The following FN1 variants were observed in gnomAD, a reference collection of about 807,000 sequenced individuals.
FN1 encodes fibronectin.
Under a neutral mutation model 297.3 loss-of-function variants are expected in FN1, and 106 were observed. The observed-to-expected ratio is 0.36, with a 90% CI of 0.30 to 0.42. The LOEUF (loss-of-function observed/expected upper bound fraction) is 0.42. Among genes scored for constraint, FN1 ranks in the 10% least tolerant of loss-of-function variants. The probability of loss-of-function intolerance (pLI) is 1.00; values close to 1 mark genes in which losing one functional copy is unlikely to be tolerated. For synonymous variants in FN1, 1,149 were observed against 1,152.6 expected (o/e 1.00, Z 0.06); for missense variants, 2,690 against 3,124.9 (o/e 0.86, Z 3.32).
At chr2:215,424,875 C>A (rs1441913421) in intron 7 of FN1, among the ~76,000 whole-genome samples, 1 of 152,032 alleles carries the variant, frequency 6.6e-6, no homozygotes, top group East Asian at 1.9e-4. Context: ...CAGATAAATA[C>A]AATAAAATTT....
In FN1 at chr2:215,436,004, T is replaced by TC. The variant is rs1290411711; in HGVS notation, c.-203dup. Reference sequence around the variant, plus strand: ...GGACCAGAGAAGTTGTGGCTGCAGGTCCCCTCTTCCCGCTCGCGCCTGGGG... The same window carrying TC: ...GGACCAGAGAAGTTGTGGCTGCAGGTCCCCCTCTTCCCGCTCGCGCCTGGGG... On this transcript the variant is annotated 5_prime_UTR_variant, in exon 1 of 46. Coordinates refer to ENST00000354785, the MANE Select transcript of FN1 (RefSeq NM_212482.4). 6 of 1,172,998 alleles carry TC rather than the reference T, an allele frequency of 5.1e-6. No homozygotes were observed. The highest frequency in any genetic ancestry group is 4.6e-6 in the Non-Finnish European group (4 of 866,642). 72.7% of individuals were successfully genotyped at this position (1,172,998 alleles called of 1,614,324 possible).
Position 215,435,746 on chromosome 2 carries a change from T to G in FN1, c.57A>C (p.Thr19=). 6.2e-7 allele frequency: 1 copy of G among 1,604,176 alleles called. No individual in the cohort carries two copies. The highest frequency in any genetic ancestry group is 8.5e-7 in the Non-Finnish European group (1 of 1,176,134). ...LLLLAVQCLG[T]AVPSTGASKS... The stretch of plus-strand genomic sequence containing the variant: ...TCGAGGCTCCCGTGGAGGGCACCGC[T>G]GTCCCCAGGCACTGGACGGCCAGCA... The change falls in exon 1 of 46, where the codon ACA becomes ACC. Residue 19 remains threonine, a synonymous_variant. Coordinates refer to ENST00000354785, the MANE Select transcript of FN1 (RefSeq NM_212482.4).
intron 6 of FN1, among the ~76,000 whole-genome samples, chr2:215,427,494 T>C (rs1239705394): frequency 6.6e-6 from 1 of 152,200 alleles, no homozygotes; most frequent in Non-Finnish European, 1.5e-5. Context: ...CTTTTTCTCA[T>C]GCCAAAAATG....
At chr2:215,372,719 G>C (rs2056479052) in intron 39 of FN1, among the ~76,000 whole-genome samples, 1 of 152,136 alleles carries the variant, frequency 6.6e-6, no homozygotes, top group African/African-American at 2.4e-5. Flanking sequence ...TTTTAAATTT[G>C]AGAAGCAAGT....
At chr2:215,375,427 C>T (rs1575306592) in intron 37 of FN1, 34 bp from the exon 38 acceptor site, 2 of 1,595,476 alleles carry the variant, frequency 1.3e-6, no homozygotes. Context: ...TCTAAGAAGG[C>T]AAATAACCAA....
At chr2:215,434,278 G>C (rs950096275) in intron 2 of FN1, among the ~76,000 whole-genome samples, 1 of 152,168 alleles carries the variant, frequency 6.6e-6, no homozygotes, top group Non-Finnish European at 1.5e-5. Context: ...CTTTGAAGTG[G>C]CTAATGGTTT....
chr2:215,370,411 T>C lies in FN1; in HGVS notation c.6736A>G (p.Thr2246Ala). 3 of 1,613,892 alleles carry C rather than the reference T, an allele frequency of 1.9e-6. No homozygotes were observed. Among genetic ancestry groups the C allele is most frequent in the Non-Finnish European group, 2.5e-6 (3 of 1,179,932 alleles). Reference protein sequence around the residue: ...PLQFRVPGTSTSATLTGLTRG... With the variant: ...PLQFRVPGTSASATLTGLTRG... ...GTGAGGCCTGTCAGAGTGGCACTGGTAGAAGTTCCAGGAACCCTGAACTGC... is the reference window on the plus strand; with the variant it reads ...GTGAGGCCTGTCAGAGTGGCACTGGCAGAAGTTCCAGGAACCCTGAACTGC... The change falls in exon 41 of 46, where the codon ACC becomes GCC. Residue 2246 changes from threonine to alanine, a missense_variant. Around this residue, in one of 3 missense-constraint regions of FN1, gnomAD observed 1,743 missense variants for 1,945.2 expected, o/e 0.90. Transcript: ENST00000354785.
chr2:215,375,622 T>C lies in FN1; in HGVS notation c.5977+7A>G, dbSNP rs373840022. On this transcript the variant is annotated splice_region_variant and intron_variant, in intron 37 of 45. Transcript: ENST00000354785. The stretch of plus-strand genomic sequence containing the variant: ...AATGGCATTTCCTCAGTAGAAGGTA[T>C]AGTTACCAGTGGAGGCGTCGATGAC... 1.0e-4 allele frequency: 161 copies of C among 1,587,198 alleles called. No homozygotes were observed. In the Middle Eastern group the frequency reaches 1.3e-3, roughly 13 times the overall value.
rs151078153 is a variant in FN1, at chr2:215,379,064, C to G, written c.5622+66G>C. 3 of 1,319,420 alleles carry G rather than the reference C, an allele frequency of 2.3e-6. No homozygotes were observed. In the African/African-American group the frequency reaches 4.3e-5, roughly 19 times the overall value. The allele number at this position is 1,319,420 out of a possible 1,614,324, so 81.7% of individuals were successfully genotyped here. A position where few individuals can be genotyped will look rare whatever the true frequency, so the allele number is the denominator to read the frequency against. On this transcript the variant is annotated intron_variant, in intron 34 of 45. Coordinates refer to ENST00000354785, the MANE Select transcript of FN1 (RefSeq NM_212482.4). ...GATTTATTATGATATTATATTTTCA[C>G]CACCTTAGAAACTGTGTTAGAGATG...
chr2:215,430,184 C>T (rs1276038264), intron 5 of FN1, among the ~76,000 whole-genome samples: 1 of 152,110 alleles, frequency 6.6e-6, no homozygotes, highest in African/African-American at 2.4e-5. Flanking sequence ...TGTTTTACTT[C>T]AACAAACTCT....
At chr2:215,426,143 CTTTTTTTT>C (rs58002948) in intron 6 of FN1, among the ~76,000 whole-genome samples, 33 of 101,078 alleles carry the variant, frequency 3.3e-4, no homozygotes, top group South Asian at 1.0e-3. Flanking sequence ...TTTCTTTTTT[CTTTTTTTT>C]TTTTTTTTTT....
rs1038277045 is a variant in FN1, at chr2:215,384,176, T to C, written c.4738A>G (p.Ser1580Gly). The change falls in exon 30 of 46, where the codon AGC (serine) becomes GGC (glycine). Residue 1580 changes from serine (S) to glycine (G), a missense_variant. Transcript: ENST00000354785. ...RITYGETGGN[S>G]PVQEFTVPGS... ...GGCACAGTGAACTCCTGGACAGGGCTATTTCCTCCTGTATGAAAAAGGGTT... is the reference window on the plus strand; with the variant it reads ...GGCACAGTGAACTCCTGGACAGGGCCATTTCCTCCTGTATGAAAAAGGGTT... 1.2e-6 allele frequency: 2 copies of C among 1,614,174 alleles called. No individual in the cohort carries two copies. Among genetic ancestry groups the C allele is most frequent in the African/African-American group, 2.7e-5 (2 of 75,046 alleles).
rs1553600561 is a variant in FN1 at position 215,370,540 on chromosome 2, C to CCAAAAAAA, written c.6715-109_6715-108insTTTTTTTG. 8.3e-5 allele frequency: 25 copies of CCAAAAAAA among 300,084 alleles called. 1 individual carries two copies. Among genetic ancestry groups the CCAAAAAAA allele is most frequent in the African/African-American group, 7.7e-4 (21 of 27,120 alleles). 18.6% of individuals were successfully genotyped at this position (300,084 alleles called of 1,614,324 possible). A position where few individuals can be genotyped will look rare whatever the true frequency, so the allele number is the denominator to read the frequency against. ...ACTGTTTAAACAAAGCAAAGGAAGA[C>CCAAAAAAA]AAAAAACAAAAAACAAAAAAAAAAA... On this transcript the variant is annotated intron_variant, in intron 40 of 45. Transcript: ENST00000354785.
At chr2:215,383,301 C>G in intron 31 of FN1, 27 bp downstream of exon 31, 1 of 1,613,528 alleles carries the variant, frequency 6.2e-7, no homozygotes, top group Non-Finnish European at 8.5e-7. Context: ...AGCCACCGCA[C>G]CTGGCCGAGA....
At chr2:215,427,404 A>C (rs1387247395) in intron 6 of FN1, among the ~76,000 whole-genome samples, 1 of 152,228 alleles carries the variant, frequency 6.6e-6, no homozygotes, top group East Asian at 1.9e-4. Flanking sequence ...AAACATATTA[A>C]AAATAATGAG....
At chr2:215,389,535 C>T (rs969241851) in intron 26 of FN1, among the ~76,000 whole-genome samples, 1 of 152,102 alleles carries the variant, frequency 6.6e-6, no homozygotes, top group Admixed American at 6.5e-5. Context: ...GGCTTGTAAT[C>T]CCAGCACTTT....
Position 215,394,725 on chromosome 2 carries a change from G to GA in FN1, c.3605-7dup, listed in dbSNP as rs752699097. On this transcript the variant is annotated splice_region_variant and splice_polypyrimidine_tract_variant and intron_variant, in intron 23 of 45. Coordinates refer to ENST00000354785, the MANE Select transcript of FN1 (RefSeq NM_212482.4). ...AATTCTATAACCAGTAATGTCTGGA[G>GA]AAAAAAGAAAAGGGAAGTTATTGCA... 22 of 1,610,650 alleles carry GA rather than the reference G, an allele frequency of 1.4e-5. No individual in the cohort carries two copies. The South Asian group carries it at 2.2e-4, about 16-fold the overall frequency.
chr2:215,380,950 A>G lies in FN1; in HGVS notation c.5295T>C (p.His1765=). ...CACCATCAGGTGCAGGGAATAGCTC[A>G]TGGATTCCATCCTCAGGGCTCGAGT... ...VTYSSPEDGI[H]ELFPAPDGEE... The change falls in exon 33 of 46, where the codon CAT becomes CAC. Residue 1765 remains histidine (H), a synonymous_variant. Transcript: ENST00000354785. The G allele has an allele frequency of 6.2e-7, 1 of 1,614,052 alleles. No individual in the cohort carries two copies.
chr2:215,375,183 A>G lies in FN1; in HGVS notation c.6157+31T>C, dbSNP rs760133841. The G allele has an allele frequency of 1.9e-6, 3 of 1,609,344 alleles. No homozygotes were observed. The African/African-American group carries it at 4.0e-5, about 22-fold the overall frequency. The stretch of plus-strand genomic sequence containing the variant: ...GACTTCATGTGTCCTAGGTAGTAAG[A>G]AGGAAAATGACAGCATGGAAGCAGC... On this transcript the variant is annotated intron_variant, in intron 38 of 45. Coordinates refer to ENST00000354785, the MANE Select transcript of FN1 (RefSeq NM_212482.4).
Sources: gnomAD v4.1 joint callset for allele counts (sites outside exome capture counted in the v4.1 genomes callset) on GRCh38, gnomAD v4.1.1 for gene constraint, gnomAD v4.1.1 regional missense constraint, MANE v1.5 for transcripts, NCBI Gene and HGNC (gene_info 2026-07-23, HGNC 2026-07-21) for gene names.